The following DPYD variants were observed in gnomAD, a reference collection of about 807,000 sequenced individuals.
DPYD encodes the protein dihydropyrimidine dehydrogenase [NADP(+)].
DPYD carries 109 observed loss-of-function variants against 116.2 expected under a neutral mutation model. That is an observed-to-expected ratio of 0.94 (90% CI 0.80 to 1.10). The LOEUF is 1.10. DPYD is among the 50% of genes least tolerant of loss of function. DPYD has a pLI of 0.00. For missense variants in DPYD, 1,302 were observed against 1,254.5 expected (o/e 1.04, Z -0.57); for synonymous variants, 440 against 432.0 (o/e 1.02, Z -0.23).
chr1:97,114,440 A>G (rs961054181), intron 20 of DPYD, among the ~76,000 whole-genome samples: 2 of 152,176 alleles, frequency 1.3e-5, no homozygotes, highest in African/African-American at 2.4e-5. Context: ...TGTTCCTTCA[A>G]AGAAACTCAG....
intron 8 of DPYD, among the ~76,000 whole-genome samples, chr1:97,661,284 AGT>A (rs1246651517): frequency 6.6e-6 from 1 of 152,190 alleles, no homozygotes; most frequent in Admixed American, 6.5e-5. Flanking sequence ...ACTTGCCTAC[AGT>A]GTTCTCTCCA....
intron 8 of DPYD, among the ~76,000 whole-genome samples, chr1:97,654,975 C>A (rs1178374766): frequency 1.3e-5 from 2 of 152,102 alleles, no homozygotes; most frequent in African/African-American, 2.4e-5. Context: ...TCTTGTGAGA[C>A]TTATTCATAA....
chr1:97,186,129 T>C (rs1657980162), intron 20 of DPYD, among the ~76,000 whole-genome samples: 1 of 152,198 alleles, frequency 6.6e-6, no homozygotes, highest in African/African-American at 2.4e-5. Context: ...ACTGCTTTAT[T>C]CTCTGTGTTG....
intron 19 of DPYD, among the ~76,000 whole-genome samples, chr1:97,196,961 G>A (rs951333621): frequency 2.0e-5 from 3 of 152,104 alleles, no homozygotes; most frequent in South Asian, 2.1e-4. Context: ...AATTGTCAAT[G>A]TTTTCAATTT....
At chr1:97,883,189 G>A (rs1480408659) in intron 2 of DPYD, 75 bp downstream of exon 2, 6 of 901,050 alleles carry the variant, frequency 6.7e-6, no homozygotes, top group Non-Finnish European at 1.1e-5. Context: ...ATTTCTAAGT[G>A]TATGTAAAAT....
chr1:97,598,335 A>G (rs1655016388), intron 8 of DPYD, among the ~76,000 whole-genome samples: 1 of 152,210 alleles, frequency 6.6e-6, no homozygotes, highest in Non-Finnish European at 1.5e-5. Context: ...TACTAGGATG[A>G]TTTCAAAATG....
At chr1:97,118,921 T>A (rs2101640148) in intron 20 of DPYD, among the ~76,000 whole-genome samples, 1 of 152,196 alleles carries the variant, frequency 6.6e-6, no homozygotes, top group African/African-American at 2.4e-5. Context: ...CTGTGCCAGT[T>A]GCAAACAGGA....
intron 13 of DPYD, among the ~76,000 whole-genome samples, chr1:97,482,904 TTA>T (rs1033158391): frequency 1.3e-5 from 2 of 152,178 alleles, no homozygotes; most frequent in African/African-American, 2.4e-5. Flanking sequence ...TCTAAACTCA[TTA>T]TATTTTATGT....
intron 8 of DPYD, among the ~76,000 whole-genome samples, chr1:97,652,899 C>G (rs995534023): frequency 6.6e-6 from 1 of 152,180 alleles, no homozygotes; most frequent in Non-Finnish European, 1.5e-5. Flanking sequence ...CCTCAGCATG[C>G]TTCCTAGGCA....
chr1:97,916,353 C>T (rs145205908), intron 1 of DPYD, among the ~76,000 whole-genome samples: 1,564 of 152,130 alleles, frequency 0.01, 12 homozygotes, highest in Non-Finnish European at 0.015. Context: ...CAACAGGCCC[C>T]GGTGTGTGAT....
At chr1:97,571,522 C>A (rs936143656) in intron 11 of DPYD, among the ~76,000 whole-genome samples, 1 of 151,750 alleles carries the variant, frequency 6.6e-6, no homozygotes, top group African/African-American at 2.4e-5. Context: ...TCACTGAAGT[C>A]TGGGCAAAGT....
intron 7 of DPYD, among the ~76,000 whole-genome samples, chr1:97,684,895 C>T (rs1660634533): frequency 6.6e-6 from 1 of 152,218 alleles, no homozygotes; most frequent in South Asian, 2.1e-4. Context: ...GATGGATTTA[C>T]AGCTGAATTC....
intron 1 of DPYD, among the ~76,000 whole-genome samples, chr1:97,891,096 T>C (rs1213603998): frequency 1.3e-5 from 2 of 151,880 alleles, no homozygotes; most frequent in African/African-American, 2.4e-5. Context: ...AAGACATGAG[T>C]GGTTCAGAGC....
chr1:97,864,656 G>A (rs1008658035), intron 2 of DPYD, among the ~76,000 whole-genome samples: 11 of 151,930 alleles, frequency 7.2e-5, no homozygotes, highest in East Asian at 3.9e-4. Context: ...TGAGGATGGC[G>A]ACTCGAGAAG....
chr1:97,667,158 TA>T (rs1659612275), intron 8 of DPYD, among the ~76,000 whole-genome samples: 1 of 152,290 alleles, frequency 6.6e-6, no homozygotes, highest in South Asian at 2.1e-4. Context: ...TCTGTTCATT[TA>T]TAGACAAATT....
intron 8 of DPYD, among the ~76,000 whole-genome samples, chr1:97,611,038 G>A (rs1044674679): frequency 2.0e-4 from 30 of 151,788 alleles, no homozygotes; most frequent in Non-Finnish European, 2.5e-4. Flanking sequence ...TATGATAATA[G>A]ATGTATTCAT....
intron 20 of DPYD, among the ~76,000 whole-genome samples, chr1:97,135,974 G>A (rs1280646591): frequency 1.3e-5 from 2 of 152,170 alleles, no homozygotes; most frequent in Non-Finnish European, 2.9e-5. Context: ...CTTTAAATCA[G>A]AAAGGACTTT....
intron 13 of DPYD, among the ~76,000 whole-genome samples, chr1:97,510,431 T>A (rs554395126): frequency 5.3e-5 from 8 of 152,010 alleles, no homozygotes; most frequent in Non-Finnish European, 8.8e-5. Flanking sequence ...TGTCTTTCTA[T>A]ATCACAGAAT....
At chr1:97,476,363 C>T (rs74105237) in intron 13 of DPYD, among the ~76,000 whole-genome samples, 2 of 151,914 alleles carry the variant, frequency 1.3e-5, no homozygotes, top group Non-Finnish European at 2.9e-5. Flanking sequence ...AAAGATGACC[C>T]CTTTAGTAGA....
Sources: allele counts gnomAD v4.1 joint callset (sites outside exome capture counted in the v4.1 genomes callset), GRCh38; gene constraint gnomAD v4.1.1; transcripts MANE v1.5; gene names NCBI Gene and HGNC (gene_info 2026-07-23, HGNC 2026-07-21).